The following MED24 variants were observed in gnomAD, a reference collection of about 807,000 sequenced individuals.
The protein encoded by MED24 is mediator complex subunit 24.
Under a neutral mutation model 118.8 loss-of-function variants are expected in MED24, and 74 were observed. The ratio of observed to expected loss-of-function variants is 0.62; its 90% CI spans 0.52 to 0.76. The LOEUF (loss-of-function observed/expected upper bound fraction) is 0.76, where lower values mean the gene tolerates loss of function less well. MED24 is among the 30% of genes least tolerant of loss of function. The pLI is 0.00. For synonymous variants in MED24, 521 were observed against 523.9 expected (o/e 0.99, Z 0.08); for missense variants, 1,041 against 1,278.9 (o/e 0.81, Z 2.84).
chr17:40,019,227 T>A lies in MED24; in HGVS notation c.*302A>T. ...ACATACACACTTTGCATCTAGAAAG[T>A]TCCTCAGAGGTAAGACTACTCCTGG... is the stretch of plus-strand genomic sequence containing the variant. On this transcript the variant is annotated 3_prime_UTR_variant, in exon 26 of 26. Coordinates refer to ENST00000394128, the MANE Select transcript of MED24 (RefSeq NM_014815.4). The A allele has an allele frequency of 7.7e-6, 3 of 388,898 alleles. No homozygotes were observed. The highest frequency in any genetic ancestry group is 2.1e-5 in the African/African-American group (1 of 47,614). The allele number at this position is 388,898 out of a possible 1,614,324, so 24.1% of individuals were successfully genotyped here.
intron 20 of MED24, 115 bp downstream of exon 20, chr17:40,023,016 C>G (rs893514815): frequency 6.9e-7 from 1 of 1,440,696 alleles, no homozygotes; most frequent in Non-Finnish European, 9.4e-7. Context: ...CGAGGCATTC[C>G]GGGGAGGCCA....
chr17:40,052,447 T>G (rs1357222310), intron 3 of MED24, among the ~76,000 whole-genome samples: 1 of 152,224 alleles, frequency 6.6e-6, no homozygotes, highest in East Asian at 1.9e-4. Flanking sequence ...GACTGCTTAT[T>G]TACATGTCTA....
intron 3 of MED24, among the ~76,000 whole-genome samples, chr17:40,051,936 A>G (rs1172989521): frequency 6.6e-6 from 1 of 151,636 alleles, no homozygotes; most frequent in Middle Eastern, 3.4e-3. Context: ...TAAATAAACA[A>G]ACAAACAGGC....
chr17:40,022,692 G>A lies in MED24; in HGVS notation c.2385C>T (p.Ser795=). 6.2e-7 allele frequency: 1 copy of A among 1,613,922 alleles called. No homozygotes were observed. The highest frequency in any genetic ancestry group is 8.5e-7 in the Non-Finnish European group (1 of 1,179,990). The change falls in exon 21 of 26, where the codon TCC becomes TCT. Residue 795 remains serine (S), a synonymous_variant. Coordinates refer to ENST00000394128, the MANE Select transcript of MED24 (RefSeq NM_014815.4). ...GHILPGLLTD[S]SKWHSLMDPP... is the part of the protein sequence containing the mutation. ...GGTCCATGAGGCTGTGCCACTTGGA[G>A]GAGTCAGTGAGCAGGCCAGGTAGGA...
chr17:40,020,035 C>G (rs1490420427), intron 24 of MED24, 102 bp from the exon 25 acceptor site: 3 of 1,402,160 alleles, frequency 2.1e-6, no homozygotes, highest in Non-Finnish European at 2.9e-6. Context: ...GAAACACATG[C>G]TGAGCATGTC....
At chr17:40,053,106 G>A (rs1986020084) in intron 3 of MED24, among the ~76,000 whole-genome samples, 192 bp downstream of exon 3, 1 of 151,898 alleles carries the variant, frequency 6.6e-6, no homozygotes. Context: ...GTAACTCTTT[G>A]TATTTTTGGG....
intron 23 of MED24, among the ~76,000 whole-genome samples, chr17:40,021,621 CA>C (rs1982015784): frequency 6.6e-6 from 1 of 152,206 alleles, no homozygotes; most frequent in African/African-American, 2.4e-5. Context: ...GTCAATGGCA[CA>C]GGCTGTGCCT....
intron 3 of MED24, among the ~76,000 whole-genome samples, chr17:40,037,699 C>T (rs1984103639): frequency 6.6e-6 from 1 of 152,064 alleles, no homozygotes; most frequent in African/African-American, 2.4e-5. Flanking sequence ...ATCATGAGGT[C>T]AAGAGATCAA....
At chr17:40,049,237 ACTC>A (rs1427227283) in intron 3 of MED24, among the ~76,000 whole-genome samples, 1 of 152,090 alleles carries the variant, frequency 6.6e-6, no homozygotes, top group Admixed American at 6.6e-5. Flanking sequence ...CTGAGAGCAA[ACTC>A]CTTTTCTCTA....
In MED24 at chr17:40,019,563, C is replaced by T. The variant is rs761984159; in HGVS notation, c.2936G>A (p.Arg979His). Reference protein sequence around the residue: ...AITDLSLPLGRQVAAKAIAAL With the variant: ...AITDLSLPLGHQVAAKAIAAL ...AGCAATGGCTTTAGCAGCCACCTGG[C>T]GGCCCAGGGGCAGGCTGAGGTCCGT... Residue 979 changes from arginine (R) to histidine (H), a missense_variant, in exon 26 of 26, where the codon CGC becomes CAC. Arg to His is a conservative substitution (Grantham distance 29, BLOSUM62 0). This residue lies in a region of MED24 where 587 missense variants were observed against 694.4 expected (regional missense o/e 0.85). Transcript: ENST00000394128. 1.1e-5 allele frequency: 17 copies of T among 1,612,326 alleles called. No homozygotes were observed. Among genetic ancestry groups the T allele is most frequent in the African/African-American group, 2.7e-5 (2 of 74,916 alleles).
intron 3 of MED24, 41 bp downstream of exon 3, chr17:40,053,257 C>G (rs540291328): frequency 1.3e-6 from 2 of 1,547,664 alleles, no homozygotes; most frequent in Middle Eastern, 1.9e-4. Context: ...TTTTTACCCC[C>G]AGAACTCTCA....
At chr17:40,053,838 A>T in intron 1 of MED24, 1 of 690,202 alleles carries the variant, frequency 1.4e-6, no homozygotes, top group Non-Finnish European at 2.4e-6. Flanking sequence ...CTGGGGCACT[A>T]AGAAAGTATC....
Position 40,022,549 on chromosome 17 carries a change from T to G in MED24, c.2433-65A>C. On this transcript the variant is annotated intron_variant, in intron 21 of 25. Transcript: ENST00000394128. Reference sequence around the variant, plus strand: ...GCCCCAGGAGCTTTCTGTGTCTGACTGGGCTCCCCAAAGCCCAGTCTCCCA... The same window carrying G: ...GCCCCAGGAGCTTTCTGTGTCTGACGGGGCTCCCCAAAGCCCAGTCTCCCA... 1.9e-6 allele frequency: 3 copies of G among 1,596,440 alleles called. No homozygotes were observed. In the South Asian group the frequency reaches 3.4e-5, roughly 18 times the overall value.
intron 3 of MED24, among the ~76,000 whole-genome samples, chr17:40,037,934 A>G (rs1443442724): frequency 1.3e-5 from 2 of 151,764 alleles, no homozygotes; most frequent in Non-Finnish European, 2.9e-5. Context: ...AAGAAATGTC[A>G]CACACATACC....
chr17:40,053,984 G>C (rs548358817), intron 1 of MED24: 6 of 359,224 alleles, frequency 1.7e-5, no homozygotes, highest in African/African-American at 1.2e-4. Flanking sequence ...TACAAAATTA[G>C]CCGGGCTTGG....
At chr17:40,038,040 T>C (rs1263159279) in intron 3 of MED24, among the ~76,000 whole-genome samples, 1 of 152,132 alleles carries the variant, frequency 6.6e-6, no homozygotes, top group African/African-American at 2.4e-5. Context: ...TATACTCGTA[T>C]ACAATGAGAA....
intron 13 of MED24, among the ~76,000 whole-genome samples, chr17:40,029,463 G>C (rs887151193): frequency 3.3e-5 from 5 of 152,160 alleles, no homozygotes; most frequent in Admixed American, 3.3e-4. Context: ...CTCCCAAAAT[G>C]CTGGGATTAC....
intron 19 of MED24, among the ~76,000 whole-genome samples, chr17:40,024,607 T>C (rs1982426991): frequency 6.6e-6 from 1 of 152,114 alleles, no homozygotes; most frequent in Admixed American, 6.5e-5. Flanking sequence ...ACCCAAAACG[T>C]ATTAGCTGGT....
chr17:40,029,884 G>C, intron 12 of MED24, 25 bp from the exon 13 acceptor site: 1 of 1,603,940 alleles, frequency 6.2e-7, no homozygotes, highest in Non-Finnish European at 8.5e-7. Flanking sequence ...AGTTGGCCAA[G>C]GAAGGGAAGA....
Sources: gnomAD v4.1 joint callset for allele counts (sites outside exome capture counted in the v4.1 genomes callset) on GRCh38, gnomAD v4.1.1 for gene constraint, gnomAD v4.1.1 regional missense constraint, MANE v1.5 for transcripts, NCBI Gene and HGNC (gene_info 2026-07-23, HGNC 2026-07-21) for gene names.